TAB2: variants seen among roughly 807,000 people sequenced by gnomAD.
TAB2 encodes TGF-beta activated kinase 1 (MAP3K7) binding protein 2, also known as TGF-beta-activated kinase 1 and MAP3K7-binding protein 2.
In TAB2, 3 loss-of-function variants were observed where a neutral mutation model predicts 65.0. The ratio of observed to expected loss-of-function variants is 0.05; its 90% CI spans 0.02 to 0.12. The LOEUF is 0.12. Ranked by LOEUF, TAB2 falls within the 10% of genes least tolerant of loss-of-function variation. The pLI, the probability that TAB2 is intolerant of heterozygous loss-of-function variation, is 1.00. For synonymous variants in TAB2, 298 were observed against 285.1 expected, an observed-to-expected ratio of 1.05 and a Z score of -0.46; for missense variants, 623 against 840.3, an observed-to-expected ratio of 0.74 and a Z score of 3.20.
At chr6:149,284,195 C>T (rs765717812) in intron 1 of TAB2, among the ~76,000 whole-genome samples, 15 of 152,158 alleles carry the variant, frequency 9.9e-5, no homozygotes, top group Non-Finnish European at 1.5e-4. Context: ...TGCATCACCA[C>T]GGGCTTTGTG....
chr6:149,269,856 T>C (rs549731375), intron 1 of TAB2, among the ~76,000 whole-genome samples: 4 of 152,356 alleles, frequency 2.6e-5, no homozygotes, highest in African/African-American at 9.6e-5. Context: ...GAGTGACATT[T>C]GGTTGTTTCC....
chr6:149,297,972 G>T (rs545159550), intron 1 of TAB2, among the ~76,000 whole-genome samples: 1 of 152,060 alleles, frequency 6.6e-6, no homozygotes, highest in South Asian at 2.1e-4. Flanking sequence ...GATTTTCTGG[G>T]ACAATACATT....
intron 1 of TAB2, among the ~76,000 whole-genome samples, chr6:149,249,634 C>T (rs1429756554): frequency 6.6e-6 from 1 of 151,828 alleles, no homozygotes; most frequent in Non-Finnish European, 1.5e-5. Flanking sequence ...GTGTGTGTCT[C>T]TCCATCTGTG....
At chr6:149,280,025 C>T (rs1213628285) in intron 1 of TAB2, among the ~76,000 whole-genome samples, 1 of 152,184 alleles carries the variant, frequency 6.6e-6, no homozygotes, top group Non-Finnish European at 1.5e-5. Flanking sequence ...ATTCCTCCCT[C>T]TTATTTATTA....
At chr6:149,403,636 AC>A (rs1301150906) in intron 6 of TAB2, among the ~76,000 whole-genome samples, 1 of 151,898 alleles carries the variant, frequency 6.6e-6, no homozygotes, top group East Asian at 1.9e-4. Flanking sequence ...AAAGCATGTC[AC>A]CGATACCCAC....
At chr6:149,258,166 G>A (rs72995778) in intron 1 of TAB2, among the ~76,000 whole-genome samples, 155 of 152,228 alleles carry the variant, frequency 1.0e-3, no homozygotes, top group Non-Finnish European at 1.7e-3. Flanking sequence ...GCCACACAGC[G>A]GTGTTGTGCA....
At chr6:149,227,871 T>A (rs1034415832) in intron 1 of TAB2, among the ~76,000 whole-genome samples, 2 of 152,232 alleles carry the variant, frequency 1.3e-5, no homozygotes, top group African/African-American at 4.8e-5. Flanking sequence ...GTCTCCTTAC[T>A]TTCTGTGTGT....
At chr6:149,391,320 G>A (rs1292917641) in intron 3 of TAB2, among the ~76,000 whole-genome samples, 5 of 151,762 alleles carry the variant, frequency 3.3e-5, no homozygotes. Context: ...AATGGTGTAG[G>A]GGTTTTTTTT....
intron 3 of TAB2, among the ~76,000 whole-genome samples, chr6:149,395,872 A>G (rs1202103729): frequency 6.6e-6 from 1 of 152,230 alleles, no homozygotes; most frequent in East Asian, 1.9e-4. Context: ...TAATTTAATT[A>G]GGTGAACAAA....
intron 1 of TAB2, among the ~76,000 whole-genome samples, chr6:149,241,460 CA>C (rs1171946245): frequency 2.6e-5 from 4 of 152,132 alleles, no homozygotes; most frequent in Admixed American, 6.6e-5. Flanking sequence ...TTCTTTCTAT[CA>C]GACACTGATC....
rs570090649 is a variant in TAB2, at chr6:149,290,758, T to A, written c.-121+71982T>A. ...TACTCAGGAGGCTCAGGTGGGAGGATGGCTTGAGCCTGGGAGGCAGAGGTT... is the reference window on the plus strand; with the variant it reads ...TACTCAGGAGGCTCAGGTGGGAGGAAGGCTTGAGCCTGGGAGGCAGAGGTT... On this transcript the variant is annotated intron_variant, in intron 1 of 1. Coordinates refer to the TAB2 transcript ENST00000606202. Among the ~76,000 whole-genome samples the A allele has an allele frequency of 1.2e-4, 18 of 152,290 alleles. No individual in the cohort carries two copies. In the South Asian group the frequency reaches 3.7e-3, roughly 32 times the overall value.
intron 1 of TAB2, among the ~76,000 whole-genome samples, chr6:149,299,944 G>A (rs1446311053): frequency 6.6e-6 from 1 of 152,086 alleles, no homozygotes; most frequent in African/African-American, 2.4e-5. Context: ...GGAATTTGAG[G>A]TTACAACGAG....
chr6:149,248,422 A>AG (rs1460085628), intron 1 of TAB2, among the ~76,000 whole-genome samples: 24 of 136,518 alleles, frequency 1.8e-4, no homozygotes, highest in Non-Finnish European at 3.5e-4. Context: ...GGAAAGAAAA[A>AG]GAAAGAAAGG....
chr6:149,295,894 C>G (rs966871710), intron 1 of TAB2, among the ~76,000 whole-genome samples: 2 of 152,150 alleles, frequency 1.3e-5, no homozygotes, highest in Non-Finnish European at 1.5e-5. Context: ...GCTTCAGCCT[C>G]CCGAGCAGCT....
chr6:149,353,643 T>G (rs1476984160), intron 1 of TAB2, among the ~76,000 whole-genome samples: 2 of 152,244 alleles, frequency 1.3e-5, no homozygotes, highest in Admixed American at 6.5e-5. Flanking sequence ...TAAAGTCGTA[T>G]TCTGAGGAAA....
chr6:149,226,301 TAGG>T (rs2114627112), intron 1 of TAB2, among the ~76,000 whole-genome samples: 1 of 152,182 alleles, frequency 6.6e-6, no homozygotes, highest in African/African-American at 2.4e-5. Context: ...ACTTAACGGG[TAGG>T]AGAAGTGCGA....
intron 2 of TAB2, among the ~76,000 whole-genome samples, chr6:149,377,155 C>T (rs949811853): frequency 8.6e-5 from 13 of 151,038 alleles, no homozygotes; most frequent in South Asian, 4.2e-4. Context: ...CTGCAAGCTC[C>T]GCCTCCCAGG....
chr6:149,350,617 CT>C (rs150204735), intron 1 of TAB2, among the ~76,000 whole-genome samples: 10,576 of 92,264 alleles, frequency 0.11, 699 homozygotes, highest in East Asian at 0.44. Flanking sequence ...TATTTTATGT[CT>C]TTTTTTTTTT....
At chr6:149,398,112 G>GA in intron 5 of TAB2, 50 bp downstream of exon 5, 1 of 1,514,294 alleles carries the variant, frequency 6.6e-7, no homozygotes, top group Non-Finnish European at 9.1e-7. Context: ...TAATTCACCA[G>GA]CAGTTTTTCT....
Sources: gnomAD v4.1 joint callset for allele counts (sites outside exome capture counted in the v4.1 genomes callset) on GRCh38, gnomAD v4.1.1 for gene constraint, MANE v1.5 for transcripts, NCBI Gene and HGNC (gene_info 2026-07-23, HGNC 2026-07-21) for gene names.